COL5A1: variants seen among roughly 807,000 people sequenced by gnomAD.
COL5A1 encodes collagen type V alpha 1 chain, also known as collagen alpha-1(V) chain.
In COL5A1, 16 loss-of-function variants were observed where a neutral mutation model predicts 263.7. The observed-to-expected ratio is 0.06, with a 90% confidence interval of 0.04 to 0.09. The LOEUF is 0.09. Ranked by LOEUF, COL5A1 falls within the 10% of genes least tolerant of loss-of-function variation. The pLI is 1.00. For synonymous variants in COL5A1, 1,012 were observed against 1,004.5 expected, an observed-to-expected ratio of 1.01 and a Z score of -0.14; for missense variants, 2,036 against 2,540.5, an observed-to-expected ratio of 0.80 and a Z score of 4.27.
At position 134,829,978 on chromosome 9, in the gene COL5A1, C is replaced by T; in HGVS notation, c.5070C>T (p.Ala1690=). 6 of 1,613,452 alleles carry T rather than the reference C, an allele frequency of 3.7e-6. No individual in the cohort carries two copies. The highest frequency in any genetic ancestry group is 5.1e-6 in the Non-Finnish European group (6 of 1,179,838). ...CCACCTCCCCGCTGCATGTTTAGGC[C>T]AGAATCACTTCTTGGCCCAAAGAAA... is the stretch of plus-strand genomic sequence containing the variant. The part of the protein sequence containing the change: ...CVFPDKKSEG[A]RITSWPKENP... Residue 1690 remains alanine (A), a splice_region_variant and synonymous_variant, in exon 64 of 66, where the codon GCC becomes GCT. Coordinates refer to ENST00000371817, the MANE Select transcript of COL5A1 (RefSeq NM_000093.5).
At position 134,842,641 on chromosome 9, in the gene COL5A1, C is replaced by T. The variant is rs1830141136; in HGVS notation, c.*338C>T. On this transcript the variant is annotated 3_prime_UTR_variant, in exon 66 of 66. Transcript: ENST00000371817. The surrounding 1 kb of genome is among the most constrained non-coding windows in gnomAD (Gnocchi z 5.8). ...ACCCATCCTGTTCGTGAATAGGTCT[C>T]AGGGGTTGGGGGAGGGACTGCCAGA... 2 of 445,550 alleles carry T rather than the reference C, an allele frequency of 4.5e-6. No homozygotes were observed. The highest frequency in any genetic ancestry group is 8.1e-6 in the Non-Finnish European group (2 of 245,626). 27.6% of individuals were successfully genotyped at this position (445,550 alleles called of 1,614,324 possible).
intron 1 of COL5A1, among the ~76,000 whole-genome samples, chr9:134,685,792 T>A (rs1833053561): frequency 7.1e-6 from 1 of 140,096 alleles, no homozygotes; most frequent in Admixed American, 7.2e-5. Context: ...CCATCCATTG[T>A]CCATCATCCA....
intron 1 of COL5A1, among the ~76,000 whole-genome samples, chr9:134,671,355 G>A (rs1480608989): frequency 6.6e-6 from 1 of 152,194 alleles, no homozygotes; most frequent in African/African-American, 2.4e-5. Flanking sequence ...GCGTCTCTGG[G>A]ATCTCGCACA....
chr9:134,767,291 G>T lies in COL5A1; in HGVS notation c.2188-19G>T, dbSNP rs1213864824. 2 of 1,613,650 alleles carry T rather than the reference G, an allele frequency of 1.2e-6. No homozygotes were observed. The highest frequency in any genetic ancestry group is 3.3e-5 in the Admixed American group (2 of 60,018). On this transcript the variant is annotated intron_variant, in intron 23 of 65. Transcript: ENST00000371817. The stretch of plus-strand genomic sequence containing the variant: ...ATCAGCGCCCTCACCTTCCCTTTCT[G>T]GCTCTTTCTCCCTCTTAGGGTCTTC...
At chr9:134,793,922 A>G (rs1352145925) in intron 32 of COL5A1, among the ~76,000 whole-genome samples, 1 of 152,212 alleles carries the variant, frequency 6.6e-6, no homozygotes, top group African/African-American at 2.4e-5. Context: ...TCAAAATGGG[A>G]GACTCTAGGA....
intron 1 of COL5A1, among the ~76,000 whole-genome samples, chr9:134,671,292 C>T (rs1482628002): frequency 1.2e-4 from 19 of 152,300 alleles, no homozygotes; most frequent in East Asian, 7.7e-4. Context: ...CACAGGGGAA[C>T]GTCAGCTCCA....
intron 4 of COL5A1, among the ~76,000 whole-genome samples, chr9:134,718,578 G>A (rs1218888899): frequency 1.3e-5 from 2 of 152,206 alleles, no homozygotes; most frequent in Admixed American, 6.5e-5. Context: ...TCTGCCAGGC[G>A]AATTGGGCAG....
At chr9:134,793,385 G>GGC (rs1554801155) in intron 32 of COL5A1, among the ~76,000 whole-genome samples, 22 of 44,054 alleles carry the variant, frequency 5.0e-4, no homozygotes, top group African/African-American at 2.2e-3. Context: ...TAAGGAGGCT[G>GGC]GGGGGGGCAT....
intron 19 of COL5A1, among the ~76,000 whole-genome samples, chr9:134,762,363 G>GT (rs1297243250): frequency 1.4e-4 from 21 of 152,336 alleles, no homozygotes; most frequent in African/African-American, 4.3e-4. Flanking sequence ...AGGCATGTGG[G>GT]TGGCAGAAAG....
At chr9:134,691,154 A>C in intron 2 of COL5A1, 75 bp downstream of exon 2, 1 of 1,579,312 alleles carries the variant, frequency 6.3e-7, no homozygotes, top group Non-Finnish European at 8.6e-7. Context: ...GCAGCGCTCA[A>C]GCCTGCGTGG....
intron 20 of COL5A1, among the ~76,000 whole-genome samples, chr9:134,764,875 G>A (rs975351285): frequency 1.3e-5 from 2 of 152,140 alleles, no homozygotes; most frequent in African/African-American, 2.4e-5. Flanking sequence ...TTAAAATAAC[G>A]AAGGAAACAT....
chr9:134,828,659 C>CACCACACAG (rs1554724757), intron 63 of COL5A1, among the ~76,000 whole-genome samples: 1 of 97,016 alleles, frequency 1.0e-5, no homozygotes, highest in African/African-American at 4.4e-5. Flanking sequence ...ACATACCACA[C>CACCACACAG]ACACACCCAT....
At position 134,806,112 on chromosome 9, in the gene COL5A1, T is replaced by A. The variant is rs1189142423; in HGVS notation, c.3259-77T>A. The A allele has an allele frequency of 4.7e-6, 5 of 1,074,246 alleles. No individual in the cohort carries two copies. The East Asian group carries it at 1.3e-4, about 28-fold the overall frequency. 66.5% of individuals were successfully genotyped at this position (1,074,246 alleles called of 1,614,324 possible). A position where few individuals can be genotyped will look rare whatever the true frequency, so the allele number is the denominator to read the frequency against. ...TAGAGTGAGCAGGTAAGTGGAGTGA[T>A]CAGCTGGTGCTTTACAAAGTCACGA... On this transcript the variant is annotated intron_variant, in intron 41 of 65. Coordinates refer to ENST00000371817, the MANE Select transcript of COL5A1 (RefSeq NM_000093.5).
intron 64 of COL5A1, chr9:134,830,350 G>A (rs1303280205): frequency 9.1e-6 from 6 of 658,146 alleles, no homozygotes; most frequent in East Asian, 5.5e-5. Flanking sequence ...CCCAGCCCCC[G>A]CCACCCTGAC....
At chr9:134,731,734 A>G in intron 8 of COL5A1, 71 bp downstream of exon 8, 1 of 1,521,914 alleles carries the variant, frequency 6.6e-7, no homozygotes. Context: ...GCTCCTGCCC[A>G]AGAGCCTCCT....
Position 134,821,456 on chromosome 9 carries a change from C to T in COL5A1, c.4555-641C>T, listed in dbSNP as rs756359163. On this transcript the variant is annotated intron_variant, in intron 58 of 65. Coordinates refer to ENST00000371817, the MANE Select transcript of COL5A1 (RefSeq NM_000093.5). The surrounding 1 kb of genome is among the most constrained non-coding windows in gnomAD (Gnocchi z 4.2). ...GCTACCCTCGCCCCCAGCTTCTGCC[C>T]GGAGAGAGCTCTGAGTGGAATCCAG... is the stretch of plus-strand genomic sequence containing the variant. Among the ~76,000 whole-genome samples, 13 of 152,134 alleles carry T rather than the reference C, an allele frequency of 8.5e-5. No individual in the cohort carries two copies. The highest frequency in any genetic ancestry group is 2.1e-4 in the South Asian group (1 of 4,828).
rs1411915444 is a variant in COL5A1 at position 134,754,265 on chromosome 9, C to G, written c.1774-8C>G. The G allele has an allele frequency of 1.9e-6, 3 of 1,613,748 alleles. No homozygotes were observed. Among genetic ancestry groups the G allele is most frequent in the Middle Eastern group, 1.6e-4 (1 of 6,062 alleles). ...CGCCACTGACCCTTTGTCTCTTACC[C>G]CTGGCAGGGTCCTCGAGGTGTGCAA... is the stretch of plus-strand genomic sequence containing the variant. On this transcript the variant is annotated splice_polypyrimidine_tract_variant and splice_region_variant and intron_variant, in intron 15 of 65. Coordinates refer to ENST00000371817, the MANE Select transcript of COL5A1 (RefSeq NM_000093.5). The surrounding 1 kb of genome is among the most constrained non-coding windows in gnomAD (Gnocchi z 4.3).
At chr9:134,783,002 TG>T (rs140650228) in intron 29 of COL5A1, among the ~76,000 whole-genome samples, 4 of 152,316 alleles carry the variant, frequency 2.6e-5, no homozygotes, top group African/African-American at 2.4e-5. Flanking sequence ...TCAGTGGGGC[TG>T]GGTTCACTTC....
intron 4 of COL5A1, among the ~76,000 whole-genome samples, chr9:134,721,354 G>A (rs1301548709): frequency 6.6e-6 from 1 of 151,060 alleles, no homozygotes; most frequent in East Asian, 1.9e-4. Context: ...CCCATACAGG[G>A]CTGCCCAGGA....
Sources: gnomAD v4.1 joint callset for allele counts (sites outside exome capture counted in the v4.1 genomes callset) on GRCh38, gnomAD v4.1.1 for gene constraint, Gnocchi (gnomAD v3.1) non-coding constraint, MANE v1.5 for transcripts, NCBI Gene and HGNC (gene_info 2026-07-23, HGNC 2026-07-21) for gene names.